Variants in NAALADL2 observed in about 807,000 individuals in gnomAD.
NAALADL2 encodes inactive N-acetylated-alpha-linked acidic dipeptidase-like protein 2.
In NAALADL2, 76 loss-of-function variants were observed where a neutral mutation model predicts 87.2. That is an observed-to-expected ratio of 0.87 (90% CI 0.72 to 1.05). The LOEUF (loss-of-function observed/expected upper bound fraction) is 1.05. NAALADL2 is among the 50% of genes least tolerant of loss of function. NAALADL2 has a pLI of 0.00. For missense variants in NAALADL2, 1,089 were observed against 945.8 expected, an observed-to-expected ratio of 1.15 and a Z score of -1.99; for synonymous variants, 354 against 331.0, an observed-to-expected ratio of 1.07 and a Z score of -0.75.
chr3:175,338,415 A>C (rs1420149088), intron 5 of NAALADL2, among the ~76,000 whole-genome samples: 1 of 151,796 alleles, frequency 6.6e-6, no homozygotes, highest in African/African-American at 2.4e-5. Flanking sequence ...AAAAAGGCCA[A>C]GATTTGCATG....
chr3:175,456,906 T>C (rs1722396730), intron 6 of NAALADL2, among the ~76,000 whole-genome samples: 1 of 152,080 alleles, frequency 6.6e-6, no homozygotes, highest in Non-Finnish European at 1.5e-5. Flanking sequence ...CTTCCTTTGC[T>C]TTGCTACCTT....
At chr3:175,234,811 C>A (rs1198208204) in intron 3 of NAALADL2, 1 of 152,114 alleles carries the variant, frequency 6.6e-6, no homozygotes, top group African/African-American at 2.4e-5. Context: ...CAGTTAACCA[C>A]TGTTACTTAA....
chr3:175,042,666 A>G (rs1754224854), intron 1 of NAALADL2, among the ~76,000 whole-genome samples: 1 of 152,158 alleles, frequency 6.6e-6, no homozygotes, highest in African/African-American at 2.4e-5. Context: ...AGATTTTGAT[A>G]TGCATTTCTC....
intron 2 of NAALADL2, among the ~76,000 whole-genome samples, chr3:174,636,137 G>A (rs1722624614): frequency 6.6e-6 from 1 of 152,022 alleles, no homozygotes; most frequent in Non-Finnish European, 1.5e-5. Flanking sequence ...ATAACCATAT[G>A]CACAGTAATG....
chr3:174,897,221 G>A (rs1731652224), intron 1 of NAALADL2, among the ~76,000 whole-genome samples: 1 of 152,096 alleles, frequency 6.6e-6, no homozygotes, highest in African/African-American at 2.4e-5. Flanking sequence ...TCAACTAAGT[G>A]AAGAGACAAC....
intron 11 of NAALADL2, among the ~76,000 whole-genome samples, chr3:175,648,766 G>A (rs550953490): frequency 6.2e-4 from 95 of 152,210 alleles, no homozygotes; most frequent in Non-Finnish European, 4.4e-5. Context: ...TGAAAACAGT[G>A]TAGCTTAAAA....
chr3:174,607,138 G>A (rs2108627228), intron 2 of NAALADL2, among the ~76,000 whole-genome samples: 1 of 151,628 alleles, frequency 6.6e-6, no homozygotes, highest in East Asian at 1.9e-4. Context: ...TCACCACCAG[G>A]CCTGCCCTAA....
chr3:175,413,278 T>A (rs763374734), intron 5 of NAALADL2, among the ~76,000 whole-genome samples: 15 of 150,424 alleles, frequency 1.0e-4, no homozygotes, highest in Non-Finnish European at 1.8e-4. Flanking sequence ...CCATTAAAAC[T>A]ACCAAAAATT....
At chr3:174,860,174 A>G (rs1336330544) in intron 1 of NAALADL2, among the ~76,000 whole-genome samples, 2 of 152,160 alleles carry the variant, frequency 1.3e-5, no homozygotes, top group African/African-American at 2.4e-5. Context: ...AATATTTGTT[A>G]TAGACTTCTA....
intron 1 of NAALADL2, among the ~76,000 whole-genome samples, chr3:174,906,708 T>A (rs2108281155): frequency 6.6e-6 from 1 of 152,222 alleles, no homozygotes; most frequent in South Asian, 2.1e-4. Context: ...TGCAACTTCA[T>A]GAGAAACCTT....
At chr3:175,236,369 A>G (rs1348145905) in intron 3 of NAALADL2, among the ~76,000 whole-genome samples, 1 of 151,832 alleles carries the variant, frequency 6.6e-6, no homozygotes, top group East Asian at 1.9e-4. Flanking sequence ...AACACAGTGA[A>G]ACCCTGTCTC....
intron 1 of NAALADL2, among the ~76,000 whole-genome samples, chr3:174,977,797 T>C (rs1480108494): frequency 6.6e-6 from 1 of 152,116 alleles, no homozygotes. Flanking sequence ...GAACCACAAA[T>C]TGAGCATAAA....
At chr3:175,454,151 C>A (rs1304816697) in intron 6 of NAALADL2, among the ~76,000 whole-genome samples, 5 of 152,004 alleles carry the variant, frequency 3.3e-5, no homozygotes, top group Middle Eastern at 3.4e-3. Flanking sequence ...TTAATAGGAG[C>A]ATTTGGTCCC....
At chr3:175,018,336 G>A (rs942989274) in intron 1 of NAALADL2, among the ~76,000 whole-genome samples, 1 of 152,002 alleles carries the variant, frequency 6.6e-6, no homozygotes, top group Admixed American at 6.6e-5. Context: ...ATTAACAGGT[G>A]CCAGGGCATT....
chr3:175,472,702 T>TA (rs1412768432), intron 9 of NAALADL2, among the ~76,000 whole-genome samples: 5 of 152,202 alleles, frequency 3.3e-5, no homozygotes, highest in African/African-American at 1.2e-4. Flanking sequence ...TAATAGTTTT[T>TA]ATTGGCATTT....
chr3:174,686,469 C>CT (rs1184728163), intron 2 of NAALADL2, among the ~76,000 whole-genome samples: 1 of 150,684 alleles, frequency 6.6e-6, no homozygotes, highest in South Asian at 2.1e-4. Flanking sequence ...TGATGTTAAG[C>CT]TTTTTTCATA....
intron 13 of NAALADL2, among the ~76,000 whole-genome samples, chr3:175,763,914 T>C (rs943495121): frequency 6.6e-6 from 1 of 152,018 alleles, no homozygotes; most frequent in Non-Finnish European, 1.5e-5. Context: ...GGAAATTTGG[T>C]GTGGCTTTGG....
intron 2 of NAALADL2, among the ~76,000 whole-genome samples, chr3:175,149,816 C>T (rs764300017): frequency 6.6e-6 from 1 of 152,000 alleles, no homozygotes; most frequent in Non-Finnish European, 1.5e-5. Context: ...CGGATTAGTG[C>T]GGTATGGTAT....
rs544085308 is a variant in NAALADL2, at chr3:174,951,942, T to A, written c.43+92492T>A. On this transcript the variant is annotated intron_variant, in intron 1 of 13. Coordinates refer to ENST00000454872, the MANE Select transcript of NAALADL2 (RefSeq NM_207015.3). ...TTCCAAGCATACCAAGCTCTTCAGT[T>A]TTCTAAACCTAAGATAATTTTGTGT... Among the ~76,000 whole-genome samples the A allele has an allele frequency of 3.9e-5, 6 of 152,240 alleles. No homozygotes were observed. The South Asian group carries it at 1.2e-3, about 31-fold the overall frequency.
Sources: allele counts gnomAD v4.1 joint callset (sites outside exome capture counted in the v4.1 genomes callset), GRCh38; gene constraint gnomAD v4.1.1; transcripts MANE v1.5; gene names NCBI Gene and HGNC (gene_info 2026-07-23, HGNC 2026-07-21).